Variants in LHFPL2 observed in about 807,000 individuals in gnomAD.
LHFPL2 encodes the protein LHFPL tetraspan subfamily member 2, also known as LHFPL tetraspan subfamily member 2 protein.
LHFPL2 carries 7 observed loss-of-function variants against 17.5 expected under a neutral mutation model. That is an observed-to-expected ratio of 0.40 (90% CI 0.23 to 0.75). The LOEUF (loss-of-function observed/expected upper bound fraction) is 0.75, where lower values mean the gene tolerates loss of function less well. Ranked by LOEUF, LHFPL2 falls within the 30% of genes least tolerant of loss-of-function variation. The pLI is 0.37. For missense variants in LHFPL2, 241 were observed against 294.8 expected, an observed-to-expected ratio of 0.82 and a Z score of 1.34; for synonymous variants, 134 against 116.2, an observed-to-expected ratio of 1.15 and a Z score of -0.99.
At chr5:78,557,815 T>C (rs1756619418) in intron 3 of LHFPL2, among the ~76,000 whole-genome samples, 1 of 152,212 alleles carries the variant, frequency 6.6e-6, no homozygotes, top group South Asian at 2.1e-4. Flanking sequence ...GGCTGCCTGC[T>C]ACCTTGGCTC....
intron 2 of LHFPL2, among the ~76,000 whole-genome samples, chr5:78,592,538 G>C (rs1409510417): frequency 1.3e-5 from 2 of 152,070 alleles, no homozygotes; most frequent in Non-Finnish European, 1.5e-5. Context: ...GGCCCTTCTT[G>C]AGCATCTTTT....
At chr5:78,536,700 A>C (rs188267184) in intron 3 of LHFPL2, among the ~76,000 whole-genome samples, 77 of 152,340 alleles carry the variant, frequency 5.1e-4, no homozygotes, top group South Asian at 4.8e-3. Context: ...TTAAGTCATT[A>C]TGTCTATTAT....
At chr5:78,566,476 T>TG (rs1458015387) in intron 2 of LHFPL2, among the ~76,000 whole-genome samples, 1 of 152,182 alleles carries the variant, frequency 6.6e-6, no homozygotes, top group Non-Finnish European at 1.5e-5. Flanking sequence ...AGACTTTTTT[T>TG]TTTTTGAGAC....
intron 2 of LHFPL2, among the ~76,000 whole-genome samples, chr5:78,597,668 G>T (rs1743874171): frequency 6.6e-6 from 1 of 152,118 alleles, no homozygotes; most frequent in Non-Finnish European, 1.5e-5. Context: ...AAGAAAAGTT[G>T]GGAGGAAAGA....
At chr5:78,489,921 G>A (rs969379571) in intron 4 of LHFPL2, among the ~76,000 whole-genome samples, 13 of 152,126 alleles carry the variant, frequency 8.5e-5, no homozygotes, top group Non-Finnish European at 1.8e-4. Flanking sequence ...CCAACTCCTG[G>A]TCTAAGGAAA....
rs531941238 is a variant in LHFPL2, at chr5:78,600,095, G to A, written c.-245+32169C>T. Among the ~76,000 whole-genome samples, 210 of 152,172 alleles carry A rather than the reference G, an allele frequency of 1.4e-3. 1 individual carries two copies. The highest frequency in any genetic ancestry group is 2.4e-3 in the Non-Finnish European group (165 of 68,014). ...GATCAAACAACAGCTTATTCATGGT[G>A]AAAATTATTTTGAAAGACTAAAGTT... On this transcript the variant is annotated intron_variant, in intron 2 of 4. Coordinates refer to ENST00000380345, the MANE Select transcript of LHFPL2 (RefSeq NM_005779.3).
intron 4 of LHFPL2, among the ~76,000 whole-genome samples, chr5:78,491,874 A>T (rs915050692): frequency 6.6e-6 from 1 of 152,210 alleles, no homozygotes; most frequent in African/African-American, 2.4e-5. Context: ...TTTGAGAAGT[A>T]TAATAATTTG....
intron 3 of LHFPL2, among the ~76,000 whole-genome samples, chr5:78,534,386 G>A (rs1755879496): frequency 6.6e-6 from 1 of 152,168 alleles, no homozygotes; most frequent in Admixed American, 6.5e-5. Flanking sequence ...CGAGCAGGCT[G>A]CACTGCTCTT....
intron 2 of LHFPL2, among the ~76,000 whole-genome samples, chr5:78,620,333 G>A (rs187056644): frequency 4.1e-4 from 63 of 152,158 alleles, no homozygotes; most frequent in Admixed American, 3.5e-3. Flanking sequence ...CATGTCCTTC[G>A]CCCATTTTTT....
chr5:78,624,271 C>G (rs531168409), intron 2 of LHFPL2, among the ~76,000 whole-genome samples: 6 of 152,268 alleles, frequency 3.9e-5, no homozygotes, highest in Admixed American at 1.3e-4. Context: ...TGCCACACAT[C>G]CCCTGGAGAG....
chr5:78,537,899 G>A (rs759997921), intron 3 of LHFPL2, among the ~76,000 whole-genome samples: 4 of 152,168 alleles, frequency 2.6e-5, no homozygotes, highest in Admixed American at 2.6e-4. Context: ...GACTTTTAGG[G>A]GAAACCTGGA....
At chr5:78,538,234 A>G (rs1437911529) in intron 3 of LHFPL2, among the ~76,000 whole-genome samples, 3 of 152,202 alleles carry the variant, frequency 2.0e-5, no homozygotes, top group Non-Finnish European at 4.4e-5. Flanking sequence ...TGCTGCTCCT[A>G]GTCTGTTATT....
In LHFPL2 at chr5:78,506,585, T is replaced by A. The variant is rs560103388; in HGVS notation, c.430+3199A>T. Among the ~76,000 whole-genome samples, 3 of 152,316 alleles carry A rather than the reference T, an allele frequency of 2.0e-5. No homozygotes were observed. In the East Asian group the frequency reaches 5.8e-4, roughly 29 times the overall value. ...AAGCCAGCCCTTTCAGATGCCAGTA[T>A]GGCAATGTCCTCAGCCACAGATTCA... On this transcript the variant is annotated intron_variant, in intron 4 of 4. Transcript: ENST00000380345.
chr5:78,497,998 GCTGGCCAGGCA>G (rs1229056957), intron 4 of LHFPL2, among the ~76,000 whole-genome samples: 1 of 152,246 alleles, frequency 6.6e-6, no homozygotes, highest in African/African-American at 2.4e-5. Flanking sequence ...ACCTGTGAGA[GCTGGCCAGGCA>G]CTGGCCAGGA....
rs1185860331 is a variant in LHFPL2, at chr5:78,509,904, G to A, written c.310C>T (p.Leu104=). ...CAGAGAATAAAGATTCCCACAGCCAGGAAAATAGCTGTGGCCTGCCAGAAG... is the reference window on the plus strand; with the variant it reads ...CAGAGAATAAAGATTCCCACAGCCAAGAAAATAGCTGTGGCCTGCCAGAAG... The part of the protein sequence containing the change: ...SGFWQATAIF[L]AVGIFILCMV... Residue 104 remains leucine (L), a synonymous_variant, in exon 4 of 5, where the codon CTG becomes TTG. Transcript: ENST00000380345. 6.2e-7 allele frequency: 1 copy of A among 1,613,662 alleles called. No individual in the cohort carries two copies. Among genetic ancestry groups the A allele is most frequent in the Non-Finnish European group, 8.5e-7 (1 of 1,180,042 alleles).
intron 3 of LHFPL2, among the ~76,000 whole-genome samples, chr5:78,551,480 TAATTCACCCTGAGA>T (rs1202916214): frequency 6.6e-6 from 1 of 152,196 alleles, no homozygotes; most frequent in Non-Finnish European, 1.5e-5. Context: ...CTCCTGGTCC[TAATTCACCCTGAGA>T]AATGGCTCCA....
At chr5:78,642,661 A>G (rs925641463) in intron 1 of LHFPL2, among the ~76,000 whole-genome samples, 5 of 152,118 alleles carry the variant, frequency 3.3e-5, no homozygotes, top group African/African-American at 1.2e-4. Flanking sequence ...AACTCCCTCT[A>G]TCATCTCTAG....
At chr5:78,626,009 C>G (rs986613646) in intron 2 of LHFPL2, 1 of 152,230 alleles carries the variant, frequency 6.6e-6, no homozygotes, top group Non-Finnish European at 1.5e-5. Flanking sequence ...ACATATAGGT[C>G]GGGTTGCGGC....
rs141171565 is a variant in LHFPL2 at position 78,562,320 on chromosome 5, G to A, written c.-186+2493C>T. On this transcript the variant is annotated intron_variant, in intron 3 of 4. Transcript: ENST00000380345. Reference sequence around the variant, plus strand: ...AATCCAGGTCTGTGTCCACAGAGACGGAACCTCTGCCAAGGACCACCTGAC... The same window carrying A: ...AATCCAGGTCTGTGTCCACAGAGACAGAACCTCTGCCAAGGACCACCTGAC... Among the ~76,000 whole-genome samples the A allele has an allele frequency of 1.6e-3, 250 of 152,196 alleles. 1 individual carries two copies. Among genetic ancestry groups the A allele is most frequent in the African/African-American group, 5.3e-3 (219 of 41,524 alleles).
Sources: gnomAD v4.1 joint callset for allele counts (sites outside exome capture counted in the v4.1 genomes callset) on GRCh38, gnomAD v4.1.1 for gene constraint, MANE v1.5 for transcripts, NCBI Gene and HGNC (gene_info 2026-07-23, HGNC 2026-07-21) for gene names.